Variants in SEMA6D observed in about 807,000 individuals in gnomAD.
SEMA6D encodes semaphorin 6D.
SEMA6D carries 35 observed loss-of-function variants against 106.6 expected under a neutral mutation model. The ratio of observed to expected loss-of-function variants is 0.33; its 90% CI spans 0.25 to 0.44. The LOEUF (loss-of-function observed/expected upper bound fraction) is 0.44. SEMA6D is among the 20% of genes least tolerant of loss of function. SEMA6D has a pLI of 1.00. For synonymous variants in SEMA6D, 499 were observed against 487.7 expected, an observed-to-expected ratio of 1.02 and a Z score of -0.31; for missense variants, 1,185 against 1,345.9, an observed-to-expected ratio of 0.88 and a Z score of 1.87.
chr15:47,512,072 T>C (rs12440759), intron 3 of SEMA6D, among the ~76,000 whole-genome samples: 39,085 of 152,136 alleles, frequency 0.26, 5,602 homozygotes, highest in East Asian at 0.47. Flanking sequence ...ATTGAACTTT[T>C]AGTCAACATC....
At chr15:47,363,260 G>T (rs1434428427) in intron 1 of SEMA6D, among the ~76,000 whole-genome samples, 3 of 152,118 alleles carry the variant, frequency 2.0e-5, no homozygotes, top group Non-Finnish European at 4.4e-5. Context: ...AAGTTATTTG[G>T]CTTCAGAGAC....
chr15:47,670,449 C>T (rs1157086345), intron 4 of SEMA6D, among the ~76,000 whole-genome samples: 1 of 152,164 alleles, frequency 6.6e-6, no homozygotes, highest in Non-Finnish European at 1.5e-5. Flanking sequence ...TGCCTGATCA[C>T]AGAACCAAGG....
At chr15:47,619,735 G>T (rs1367135495) in intron 4 of SEMA6D, among the ~76,000 whole-genome samples, 2 of 152,124 alleles carry the variant, frequency 1.3e-5, no homozygotes, top group African/African-American at 4.8e-5. Flanking sequence ...GCTCTTTAGT[G>T]TGAATTTGAG....
At chr15:47,277,811 G>A (rs1265476066) in intron 1 of SEMA6D, among the ~76,000 whole-genome samples, 1 of 149,112 alleles carries the variant, frequency 6.7e-6, no homozygotes, top group Non-Finnish European at 1.5e-5. Flanking sequence ...CCCTTCCTGT[G>A]TCCATGTGTT....
At chr15:47,254,875 TTGTGTGTG>T (rs58271041) in intron 1 of SEMA6D, among the ~76,000 whole-genome samples, 176 of 134,402 alleles carry the variant, frequency 1.3e-3, no homozygotes, top group African/African-American at 4.5e-3. Context: ...ACCTGTGGTT[TTGTGTGTG>T]TGTGTGTGTG....
At chr15:47,737,237 T>G (rs1412486865) in intron 1 of SEMA6D, among the ~76,000 whole-genome samples, 1 of 152,170 alleles carries the variant, frequency 6.6e-6, no homozygotes, top group African/African-American at 2.4e-5. Flanking sequence ...GAAGTTATCC[T>G]CTAGAATAAT....
At chr15:47,342,034 G>A (rs1223630006) in intron 1 of SEMA6D, among the ~76,000 whole-genome samples, 1 of 144,530 alleles carries the variant, frequency 6.9e-6, no homozygotes, top group African/African-American at 2.5e-5. Flanking sequence ...TTTCTTTTTT[G>A]TTTGTTTGTT....
At chr15:47,434,881 C>T (rs894282538) in intron 2 of SEMA6D, among the ~76,000 whole-genome samples, 1 of 151,982 alleles carries the variant, frequency 6.6e-6, no homozygotes, top group East Asian at 1.9e-4. Context: ...AAAATGGGGC[C>T]GTCCTTTGAC....
intron 3 of SEMA6D, among the ~76,000 whole-genome samples, chr15:47,593,793 G>C (rs1182948683): frequency 6.6e-6 from 1 of 152,158 alleles, no homozygotes; most frequent in Non-Finnish European, 1.5e-5. Flanking sequence ...AGGGGGAGTA[G>C]GTGCATCACG....
At chr15:47,671,595 T>A (rs1427666473) in intron 4 of SEMA6D, among the ~76,000 whole-genome samples, 1 of 152,158 alleles carries the variant, frequency 6.6e-6, no homozygotes. Context: ...ATAAGGAATC[T>A]GGACAATGGA....
At chr15:47,216,913 G>A (rs1427346127) in intron 1 of SEMA6D, among the ~76,000 whole-genome samples, 1 of 152,126 alleles carries the variant, frequency 6.6e-6, no homozygotes. Context: ...CTGAATATTT[G>A]TGTCCCCCTA....
At chr15:47,437,381 TTAAA>T (rs1428490482) in intron 2 of SEMA6D, among the ~76,000 whole-genome samples, 4 of 152,116 alleles carry the variant, frequency 2.6e-5, no homozygotes, top group Middle Eastern at 3.2e-3. Context: ...AAGTTTACTG[TTAAA>T]TGAATGAATG....
intron 4 of SEMA6D, among the ~76,000 whole-genome samples, chr15:47,654,259 T>C (rs2077749422): frequency 6.6e-6 from 1 of 152,186 alleles, no homozygotes; most frequent in South Asian, 2.1e-4. Flanking sequence ...GGAGCTTAGG[T>C]CTGCCAACTC....
chr15:47,377,994 G>A (rs1380929277), intron 1 of SEMA6D, among the ~76,000 whole-genome samples: 1 of 152,054 alleles, frequency 6.6e-6, no homozygotes, highest in Non-Finnish European at 1.5e-5. Flanking sequence ...ACCTGGAAAT[G>A]TTGTTCATGG....
intron 3 of SEMA6D, among the ~76,000 whole-genome samples, chr15:47,540,897 T>C (rs1349033530): frequency 6.6e-6 from 1 of 152,116 alleles, no homozygotes; most frequent in Non-Finnish European, 1.5e-5. Context: ...CTGAGAACTG[T>C]AAGCAAATTT....
At chr15:47,267,097 A>T (rs2034355464) in intron 1 of SEMA6D, among the ~76,000 whole-genome samples, 1 of 152,174 alleles carries the variant, frequency 6.6e-6, no homozygotes, top group Non-Finnish European at 1.5e-5. Flanking sequence ...GGTTGCTGGC[A>T]TATCGTCACT....
intron 2 of SEMA6D, among the ~76,000 whole-genome samples, chr15:47,454,831 T>TA (rs1364167855): frequency 6.6e-6 from 1 of 151,960 alleles, no homozygotes; most frequent in Non-Finnish European, 1.5e-5. Context: ...TACAGCCAGG[T>TA]AGTATGGGGA....
chr15:47,380,387 C>G (rs918108414), intron 1 of SEMA6D: 1 of 152,162 alleles, frequency 6.6e-6, no homozygotes, highest in African/African-American at 2.4e-5. Context: ...AAGGCACTTG[C>G]TAAGCAATGT....
chr15:47,767,126 C>A (rs576914), intron 17 of SEMA6D, 33 bp downstream of exon 17: 14,434 of 1,371,242 alleles, frequency 0.011, 327 homozygotes, highest in African/African-American at 0.082. Context: ...GAATTAACAA[C>A]CTTTTCTTTC....
Sources: gnomAD v4.1 joint callset for allele counts (sites outside exome capture counted in the v4.1 genomes callset) on GRCh38, gnomAD v4.1.1 for gene constraint, MANE v1.5 for transcripts, NCBI Gene and HGNC (gene_info 2026-07-23, HGNC 2026-07-21) for gene names.